Variants in PPP1R14C observed in about 807,000 individuals in gnomAD.
PPP1R14C encodes protein phosphatase 1 regulatory subunit 14C.
In PPP1R14C, 16 loss-of-function variants were observed where a neutral mutation model predicts 20.4. That is an observed-to-expected ratio of 0.78 (90% CI 0.53 to 1.19). The LOEUF is 1.19. PPP1R14C is among the 50% of genes most tolerant of loss of function. PPP1R14C has a pLI of 0.00. For synonymous variants in PPP1R14C, 91 were observed against 91.0 expected (o/e 1.00, Z 0.00); for missense variants, 211 against 220.1 (o/e 0.96, Z 0.26).
At chr6:150,210,334 C>G (rs1208172835) in intron 1 of PPP1R14C, among the ~76,000 whole-genome samples, 2 of 152,224 alleles carry the variant, frequency 1.3e-5, no homozygotes, top group South Asian at 4.1e-4. Flanking sequence ...TTATCTTTAC[C>G]TTTTCTTTCC....
At chr6:150,176,127 T>C (rs1027750181) in intron 1 of PPP1R14C, among the ~76,000 whole-genome samples, 7 of 152,204 alleles carry the variant, frequency 4.6e-5, no homozygotes, top group Admixed American at 3.9e-4. Flanking sequence ...AGTGTTCTTA[T>C]AATTGGGGTG....
chr6:150,149,309 G>GTT (rs1562538354), intron 1 of PPP1R14C, among the ~76,000 whole-genome samples: 2 of 151,554 alleles, frequency 1.3e-5, no homozygotes, highest in African/African-American at 4.9e-5. Context: ...ATGTGTGTGT[G>GTT]TGTGTGTGTG....
At chr6:150,170,397 A>G (rs1043009452) in intron 1 of PPP1R14C, among the ~76,000 whole-genome samples, 1 of 149,558 alleles carries the variant, frequency 6.7e-6, no homozygotes, top group East Asian at 2.0e-4. Flanking sequence ...ATCTTGGCTC[A>G]CTGCAAGCTC....
intron 1 of PPP1R14C, among the ~76,000 whole-genome samples, chr6:150,187,377 T>C (rs1216122310): frequency 1.3e-5 from 2 of 152,008 alleles, no homozygotes; most frequent in Non-Finnish European, 2.9e-5. Context: ...GGGAGTTTGT[T>C]GTACAGATTA....
At chr6:150,233,347 A>G (rs1351439625) in intron 3 of PPP1R14C, among the ~76,000 whole-genome samples, 1 of 152,204 alleles carries the variant, frequency 6.6e-6, no homozygotes, top group African/African-American at 2.4e-5. Context: ...ACATATAAAC[A>G]AAACCAATTT....
intron 1 of PPP1R14C, among the ~76,000 whole-genome samples, chr6:150,174,321 A>G (rs559673130): frequency 2.0e-5 from 3 of 152,024 alleles, no homozygotes; most frequent in South Asian, 2.1e-4. Flanking sequence ...CTGGGTTCAC[A>G]CCATTCTCCT....
intron 1 of PPP1R14C, among the ~76,000 whole-genome samples, chr6:150,179,258 G>A (rs11751046): frequency 0.11 from 16,739 of 152,082 alleles, 1,083 homozygotes; most frequent in African/African-American, 0.19. Flanking sequence ...ATAAAAATTT[G>A]CCAGGTGTGG....
chr6:150,168,480 C>A (rs1164301220), intron 1 of PPP1R14C, among the ~76,000 whole-genome samples: 1 of 151,968 alleles, frequency 6.6e-6, no homozygotes, highest in African/African-American at 2.4e-5. Flanking sequence ...TTGCAGTGAG[C>A]CGAGATAGCG....
At chr6:150,219,189 C>G (rs1778136744) in intron 3 of PPP1R14C, among the ~76,000 whole-genome samples, 1 of 151,718 alleles carries the variant, frequency 6.6e-6, no homozygotes, top group South Asian at 2.1e-4. Context: ...TTGTATAGCC[C>G]TTTGTTTCTC....
At chr6:150,202,929 A>G (rs1269147092) in intron 1 of PPP1R14C, among the ~76,000 whole-genome samples, 1 of 151,976 alleles carries the variant, frequency 6.6e-6, no homozygotes. Flanking sequence ...ATTCTCATCT[A>G]CCCCTTTCTT....
intron 3 of PPP1R14C, among the ~76,000 whole-genome samples, chr6:150,239,101 A>T (rs1778402335): frequency 6.6e-6 from 1 of 152,206 alleles, no homozygotes; most frequent in African/African-American, 2.4e-5. Flanking sequence ...ATTGCAAAAG[A>T]TCATGTCTGT....
At position 150,143,442 on chromosome 6, in the gene PPP1R14C, C is replaced by T. The variant is rs1354588671; in HGVS notation, c.250C>T (p.Arg84Trp). ...ATACGATCGTAAGGAGCTTCGGAAG[C>T]GGCTGGTGCTGGAGGAATGGATCGT... ...VKYDRKELRK[R>W]LVLEEWIVEQ... Residue 84 changes from arginine (R) to tryptophan (W), a missense_variant, in exon 1 of 4, where the codon CGG (arginine) becomes TGG (tryptophan). Physicochemically the swap from Arg to Trp is moderately radical, Grantham distance 101. Transcript: ENST00000361131. The surrounding 1 kb of genome is among the most constrained non-coding windows in gnomAD (Gnocchi z 5.6). 6.3e-7 allele frequency: 1 copy of T among 1,591,218 alleles called. No homozygotes were observed. Among genetic ancestry groups the T allele is most frequent in the Non-Finnish European group, 8.6e-7 (1 of 1,166,832 alleles).
intron 1 of PPP1R14C, chr6:150,196,274 A>G (rs955629348): frequency 9.6e-5 from 28 of 292,108 alleles, no homozygotes; most frequent in African/African-American, 6.4e-4. Context: ...GCATCTGTGT[A>G]AGCTTGCTGG....
chr6:150,240,132 A>G (rs2114931440), intron 3 of PPP1R14C, among the ~76,000 whole-genome samples: 1 of 152,306 alleles, frequency 6.6e-6, no homozygotes, highest in African/African-American at 2.4e-5. Context: ...AGGTCAATAC[A>G]ATTGATAAAC....
At chr6:150,237,587 A>T (rs929538129) in intron 3 of PPP1R14C, among the ~76,000 whole-genome samples, 1 of 152,216 alleles carries the variant, frequency 6.6e-6, no homozygotes, top group Non-Finnish European at 1.5e-5. Context: ...TGATGACAGT[A>T]TCAAGCACTT....
intron 1 of PPP1R14C, among the ~76,000 whole-genome samples, chr6:150,162,243 C>A (rs966848481): frequency 6.6e-6 from 1 of 152,044 alleles, no homozygotes; most frequent in Admixed American, 6.5e-5. Flanking sequence ...TTAGTAGAGA[C>A]GGGGTTTCGC....
intron 1 of PPP1R14C, among the ~76,000 whole-genome samples, chr6:150,193,378 A>G (rs1777768304): frequency 6.6e-6 from 1 of 152,030 alleles, no homozygotes; most frequent in Admixed American, 6.6e-5. Context: ...CACTACTCAG[A>G]AAGACAGGAA....
chr6:150,220,045 G>T (rs1418042707), intron 3 of PPP1R14C, among the ~76,000 whole-genome samples: 1 of 151,876 alleles, frequency 6.6e-6, no homozygotes, highest in African/African-American at 2.4e-5. Context: ...TAGTAGAGGC[G>T]GATTTTGCCA....
intron 1 of PPP1R14C, among the ~76,000 whole-genome samples, chr6:150,160,795 C>T (rs865844371): frequency 2.0e-5 from 3 of 151,928 alleles, no homozygotes; most frequent in Non-Finnish European, 2.9e-5. Context: ...TTGGCTATTG[C>T]GAGCTGTTTC....
Sources: gnomAD v4.1 joint callset for allele counts (sites outside exome capture counted in the v4.1 genomes callset) on GRCh38, gnomAD v4.1.1 for gene constraint, Gnocchi (gnomAD v3.1) non-coding constraint, MANE v1.5 for transcripts, NCBI Gene and HGNC (gene_info 2026-07-23, HGNC 2026-07-21) for gene names.